The following ABAT variants were observed in gnomAD, a reference collection of about 807,000 sequenced individuals.
ABAT encodes the protein 4-aminobutyrate aminotransferase, mitochondrial.
In ABAT, 45 loss-of-function variants were observed where a neutral mutation model predicts 64.6. The ratio of observed to expected loss-of-function variants is 0.70; its 90% CI spans 0.55 to 0.89. The LOEUF (loss-of-function observed/expected upper bound fraction) is 0.89, where lower values mean the gene tolerates loss of function less well. Among genes scored for constraint, ABAT ranks in the 40% least tolerant of loss-of-function variants. ABAT has a pLI of 0.00. For missense variants in ABAT, 633 were observed against 658.4 expected (o/e 0.96, Z 0.42); for synonymous variants, 297 against 250.5 (o/e 1.19, Z -1.75).
chr16:8,727,325 G>A (rs1363646260), intron 1 of ABAT, among the ~76,000 whole-genome samples: 1 of 152,122 alleles, frequency 6.6e-6, no homozygotes, highest in East Asian at 1.9e-4. Context: ...CCCTCCAAGT[G>A]CTCTATGATT....
chr16:8,685,142 C>T (rs1237561023), intron 1 of ABAT, among the ~76,000 whole-genome samples: 2 of 150,416 alleles, frequency 1.3e-5, no homozygotes. Flanking sequence ...AAAAATTGGT[C>T]AAGCATGGTG....
intron 1 of ABAT, among the ~76,000 whole-genome samples, chr16:8,682,550 G>A (rs771346418): frequency 3.9e-5 from 6 of 152,064 alleles, no homozygotes; most frequent in East Asian, 1.9e-4. Flanking sequence ...AATCACCGGC[G>A]GCCAGAATGC....
chr16:8,758,068 G>A (rs566260913), intron 6 of ABAT, among the ~76,000 whole-genome samples: 3 of 152,314 alleles, frequency 2.0e-5, no homozygotes, highest in South Asian at 2.1e-4. Flanking sequence ...GGTAGGCAGC[G>A]CTTTGTGGGC....
chr16:8,744,023 G>A (rs72770119), intron 2 of ABAT, among the ~76,000 whole-genome samples: 18,432 of 152,064 alleles, frequency 0.12, 1,192 homozygotes, highest in East Asian at 0.18. Flanking sequence ...AGCAACATGT[G>A]GAGCTAAAAA....
chr16:8,753,829 A>G (rs2059562589), intron 5 of ABAT, among the ~76,000 whole-genome samples: 2 of 152,104 alleles, frequency 1.3e-5, no homozygotes, highest in Non-Finnish European at 2.9e-5. Flanking sequence ...TCTCGACCAG[A>G]CAGAGTGGAA....
At chr16:8,682,602 C>G (rs1002965999) in intron 1 of ABAT, among the ~76,000 whole-genome samples, 4 of 98,094 alleles carry the variant, frequency 4.1e-5, no homozygotes, top group Admixed American at 9.2e-5. Flanking sequence ...CCTGGACCAG[C>G]CCCCGACCCC....
intron 5 of ABAT, among the ~76,000 whole-genome samples, chr16:8,752,352 T>C (rs2059513465): frequency 6.6e-6 from 1 of 152,176 alleles, no homozygotes. Context: ...GGCTCTACTA[T>C]ATATTAGCTG....
chr16:8,712,283 G>T (rs1175807269), intron 1 of ABAT, among the ~76,000 whole-genome samples: 1 of 152,112 alleles, frequency 6.6e-6, no homozygotes, highest in African/African-American at 2.4e-5. Flanking sequence ...ATTACCAAGT[G>T]CTTACTTTTA....
chr16:8,709,327 T>A (rs573608677), intron 1 of ABAT, among the ~76,000 whole-genome samples: 1 of 152,238 alleles, frequency 6.6e-6, no homozygotes, highest in South Asian at 2.1e-4. Flanking sequence ...TAGAAATTTT[T>A]AATTGGCACA....
At chr16:8,778,573 GAA>G (rs1567318939) in intron 14 of ABAT, among the ~76,000 whole-genome samples, 2 of 152,016 alleles carry the variant, frequency 1.3e-5, no homozygotes, top group Non-Finnish European at 2.9e-5. Context: ...TCAGGAGTTC[GAA>G]ACCAGCCTGG....
At chr16:8,766,936 A>G (rs948808069) in intron 9 of ABAT, among the ~76,000 whole-genome samples, 7 of 152,184 alleles carry the variant, frequency 4.6e-5, no homozygotes, top group Non-Finnish European at 8.8e-5. Context: ...TCACCACTGC[A>G]CTCCAGCCTG....
intron 1 of ABAT, among the ~76,000 whole-genome samples, chr16:8,678,357 T>C (rs188121612): frequency 6.6e-6 from 1 of 152,160 alleles, no homozygotes; most frequent in African/African-American, 2.4e-5. Flanking sequence ...GGGTTACAAG[T>C]GTGAGTTACA....
chr16:8,766,087 G>A (rs897545402), intron 8 of ABAT, 121 bp from the exon 9 acceptor site: 6 of 881,242 alleles, frequency 6.8e-6, no homozygotes, highest in Non-Finnish European at 1.1e-5. Flanking sequence ...ATTAATACAT[G>A]AGATCCACTC....
At chr16:8,734,296 C>A (rs1054341265) in intron 1 of ABAT, among the ~76,000 whole-genome samples, 1 of 152,172 alleles carries the variant, frequency 6.6e-6, no homozygotes, top group Admixed American at 6.5e-5. Context: ...TCTCTTTGTT[C>A]CTCATGAAGA....
intron 1 of ABAT, among the ~76,000 whole-genome samples, chr16:8,729,062 G>T (rs1003838156): frequency 2.6e-5 from 4 of 151,872 alleles, no homozygotes; most frequent in Admixed American, 6.6e-5. Flanking sequence ...ATCTCAGCAC[G>T]TTGGGAGGCC....
At chr16:8,746,916 C>T (rs938728288) in intron 3 of ABAT, among the ~76,000 whole-genome samples, 24 of 152,150 alleles carry the variant, frequency 1.6e-4, no homozygotes, top group Non-Finnish European at 3.1e-4. Context: ...ACCTCCATGC[C>T]TGGGGGACAG....
intron 1 of ABAT, among the ~76,000 whole-genome samples, chr16:8,711,786 A>AGATG (rs59128291): frequency 0.1 from 14,350 of 136,780 alleles, 1,176 homozygotes; most frequent in African/African-American, 0.21. Flanking sequence ...ATGGATGGGA[A>AGATG]GATGGATGGA....
intron 1 of ABAT, among the ~76,000 whole-genome samples, chr16:8,681,408 C>A (rs1395576572): frequency 6.6e-6 from 1 of 151,182 alleles, no homozygotes; most frequent in Non-Finnish European, 1.5e-5. Context: ...ACCACCAGTT[C>A]CTGCCTATCA....
At chr16:8,769,095 A>T in intron 11 of ABAT, 122 bp downstream of exon 11, 1 of 1,378,066 alleles carries the variant, frequency 7.3e-7, no homozygotes, top group Non-Finnish European at 1.0e-6. Flanking sequence ...GTGCTCCCCC[A>T]GAGGGAAGCA....
Sources: gnomAD v4.1 joint callset for allele counts (sites outside exome capture counted in the v4.1 genomes callset) on GRCh38, gnomAD v4.1.1 for gene constraint, MANE v1.5 for transcripts, NCBI Gene and HGNC (gene_info 2026-07-23, HGNC 2026-07-21) for gene names.